Variants in SIPA1L1 observed in about 807,000 individuals in gnomAD.
SIPA1L1 encodes the protein signal induced proliferation associated 1 like 1, also known as signal-induced proliferation-associated 1-like protein 1.
Under a neutral mutation model 162.7 loss-of-function variants are expected in SIPA1L1, and 26 were observed. That is an observed-to-expected ratio of 0.16 (90% CI 0.12 to 0.22). The LOEUF (loss-of-function observed/expected upper bound fraction) is 0.22, where lower values mean the gene tolerates loss of function less well. Ranked by LOEUF, SIPA1L1 falls within the 10% of genes least tolerant of loss-of-function variation. The probability of loss-of-function intolerance (pLI) is 1.00; values close to 1 mark genes in which losing one functional copy is unlikely to be tolerated. For missense variants in SIPA1L1, 1,874 were observed against 2,241.0 expected (o/e 0.84, Z 3.31); for synonymous variants, 829 against 837.4 (o/e 0.99, Z 0.17).
chr14:71,489,342 A>C (rs894603133), intron 2 of SIPA1L1, among the ~76,000 whole-genome samples: 1 of 152,174 alleles, frequency 6.6e-6, no homozygotes, highest in Non-Finnish European at 1.5e-5. Flanking sequence ...TCTGTGTGCT[A>C]TATGTCTGCT....
At position 71,708,322 on chromosome 14, in the gene SIPA1L1, C is replaced by CT. The variant is rs1174900047; in HGVS notation, c.3766-885dup. 4.1e-3 allele frequency among the ~76,000 whole-genome samples: 566 copies of CT among 137,500 alleles called. 5 individuals are homozygous for CT. The highest frequency in any genetic ancestry group is 4.5e-3 in the African/African-American group (169 of 37,756). 90.2% of individuals were successfully genotyped at this position (137,500 alleles called of 152,430 possible). On this transcript the variant is annotated intron_variant, in intron 16 of 23. Coordinates refer to ENST00000381232, the MANE Select transcript of SIPA1L1 (RefSeq NM_001386936.1). ...AAGGATCCAACTTTATTCTTTCTTT[C>CT]TTTTTTTTTTTTTTTGAGACAGGGT...
At chr14:71,583,525 C>A (rs1032642913) in intron 4 of SIPA1L1, among the ~76,000 whole-genome samples, 3 of 152,088 alleles carry the variant, frequency 2.0e-5, no homozygotes, top group Admixed American at 6.6e-5. Flanking sequence ...AATTCTTTCA[C>A]AACAGGAACT....
intron 19 of SIPA1L1, among the ~76,000 whole-genome samples, chr14:71,729,697 A>G (rs2084580249): frequency 6.6e-6 from 1 of 152,204 alleles, no homozygotes; most frequent in Non-Finnish European, 1.5e-5. Context: ...ATGAGGAATT[A>G]GACTCAGAGA....
At chr14:71,661,200 A>T (rs1279186368) in intron 9 of SIPA1L1, 110 bp from the exon 10 acceptor site, 3 of 1,103,926 alleles carry the variant, frequency 2.7e-6, no homozygotes, top group Non-Finnish European at 2.6e-6. Context: ...ACCTACCTTC[A>T]TGTGTACTGA....
intron 2 of SIPA1L1, among the ~76,000 whole-genome samples, chr14:71,353,562 A>G (rs928469007): frequency 5.3e-5 from 8 of 152,116 alleles, no homozygotes; most frequent in Non-Finnish European, 1.0e-4. Context: ...GTTTTAACAG[A>G]GTCGCTAGGC....
At chr14:71,610,568 C>T (rs181330037) in intron 5 of SIPA1L1, among the ~76,000 whole-genome samples, 68 of 152,218 alleles carry the variant, frequency 4.5e-4, no homozygotes, top group African/African-American at 1.5e-3. Flanking sequence ...AACTATTGGC[C>T]ATTTGTCATA....
rs759229317 is a variant in SIPA1L1 at position 71,724,731 on chromosome 14, C to T, written c.4510C>T (p.Leu1504Phe). 7 of 1,614,028 alleles carry T rather than the reference C, an allele frequency of 4.3e-6. No individual in the cohort carries two copies. In the African/African-American group the frequency reaches 8.0e-5, roughly 18 times the overall value. Residue 1504 changes from leucine to phenylalanine, a missense_variant, in exon 19 of 24, where the codon CTC becomes TTC. By Grantham distance (22) the Leu-to-Phe change is conservative (BLOSUM62 0). This residue lies in a region of SIPA1L1 where 936 missense variants were observed against 1,051.9 expected (regional missense o/e 0.89). Transcript: ENST00000381232. ...CAGGCTGCGTGCCTCAACCAGAGAC[C>T]TCCGGGCATCTCCTAAGCCAACCTC... is the stretch of plus-strand genomic sequence containing the variant. ...HTRLRASTRD[L>F]RASPKPTSKS...
Position 71,377,853 on chromosome 14 carries a change from G to C in SIPA1L1, c.-465+56672G>C, listed in dbSNP as rs2039551416. Among the ~76,000 whole-genome samples the C allele has an allele frequency of 6.6e-6, 1 of 152,218 alleles. No individual in the cohort carries two copies. The highest frequency in any genetic ancestry group is 2.1e-4 in the South Asian group (1 of 4,836). Reference sequence around the variant, plus strand: ...CAGTCAGGCGTGGCGGCGCGTGCCTGCAATCCCAGGCACTCGGCAGGCTGA... The same window carrying C: ...CAGTCAGGCGTGGCGGCGCGTGCCTCCAATCCCAGGCACTCGGCAGGCTGA... On this transcript the variant is annotated intron_variant, in intron 2 of 23. Transcript: ENST00000381232. The surrounding 1 kb of genome is among the most constrained non-coding windows in gnomAD (Gnocchi z 4.8).
At chr14:71,472,213 G>C (rs1316659982) in intron 2 of SIPA1L1, among the ~76,000 whole-genome samples, 1 of 152,140 alleles carries the variant, frequency 6.6e-6, no homozygotes, top group Non-Finnish European at 1.5e-5. Flanking sequence ...TCAAGAGTCA[G>C]TTTTGTTTGT....
intron 2 of SIPA1L1, among the ~76,000 whole-genome samples, chr14:71,415,334 C>G (rs959447773): frequency 1.3e-5 from 2 of 152,194 alleles, no homozygotes; most frequent in East Asian, 1.9e-4. Flanking sequence ...TTTGACCGTT[C>G]CCAGCATCAT....
intron 2 of SIPA1L1, among the ~76,000 whole-genome samples, chr14:71,408,444 GT>G (rs1238447056): frequency 3.3e-5 from 5 of 152,112 alleles, no homozygotes. Context: ...CTGTCCCCCA[GT>G]TTCAGAATAA....
chr14:71,417,253 C>T (rs866075258), intron 2 of SIPA1L1, among the ~76,000 whole-genome samples: 14 of 151,410 alleles, frequency 9.2e-5, no homozygotes, highest in Middle Eastern at 3.4e-3. Context: ...GGGTGGATCA[C>T]GAGGTCAGGA....
rs575168185 is a variant in SIPA1L1 at position 71,558,988 on chromosome 14, C to T, written c.-302-28583C>T. On this transcript the variant is annotated intron_variant, in intron 4 of 23. Coordinates refer to ENST00000381232, the MANE Select transcript of SIPA1L1 (RefSeq NM_001386936.1). The stretch of plus-strand genomic sequence containing the variant: ...TGTAAGCCAGGGCACTTGGCCTTGC[C>T]GAAGCATTTTGATGCATGCAAACTA... Among the ~76,000 whole-genome samples, 71 of 152,038 alleles carry T rather than the reference C, an allele frequency of 4.7e-4. 2 individuals carry two copies. In the South Asian group the frequency reaches 0.013, roughly 28 times the overall value.
intron 2 of SIPA1L1, among the ~76,000 whole-genome samples, chr14:71,325,228 T>C (rs1424988933): frequency 1.3e-5 from 2 of 152,234 alleles, no homozygotes; most frequent in Non-Finnish European, 2.9e-5. Context: ...CCTCATTGAA[T>C]TTTTGCTTTT....
At chr14:71,361,622 G>A (rs112913371) in intron 2 of SIPA1L1, among the ~76,000 whole-genome samples, 3,441 of 152,170 alleles carry the variant, frequency 0.023, 49 homozygotes, top group Non-Finnish European at 0.033. Context: ...TTTCTACTAC[G>A]TGGGGTGAAC....
chr14:71,373,941 C>T (rs1292771518), intron 2 of SIPA1L1, among the ~76,000 whole-genome samples: 1 of 152,122 alleles, frequency 6.6e-6, no homozygotes, highest in African/African-American at 2.4e-5. Context: ...TCACCCTCTG[C>T]ACACTGGCTG....
intron 2 of SIPA1L1, among the ~76,000 whole-genome samples, chr14:71,395,492 C>T (rs901281329): frequency 6.6e-6 from 1 of 152,168 alleles, no homozygotes; most frequent in Non-Finnish European, 1.5e-5. Context: ...AAGACCCTGT[C>T]TCTACAAAAA....
At chr14:71,737,342 G>A (rs1415725517) in intron 22 of SIPA1L1, among the ~76,000 whole-genome samples, 4 of 152,124 alleles carry the variant, frequency 2.6e-5, no homozygotes, top group Non-Finnish European at 4.4e-5. Flanking sequence ...TCCCATTGGC[G>A]CTGGGAAGAG....
At chr14:71,321,078 G>A (rs912250530) in intron 1 of SIPA1L1, 44 bp from the exon 2 acceptor site, 1 of 151,964 alleles carries the variant, frequency 6.6e-6, no homozygotes, top group African/African-American at 2.4e-5. Flanking sequence ...GAGGCGGCGA[G>A]TGAGCGCGCG....
Sources: allele counts gnomAD v4.1 joint callset (sites outside exome capture counted in the v4.1 genomes callset), GRCh38; gene constraint gnomAD v4.1.1; regional missense constraint gnomAD v4.1.1; non-coding constraint Gnocchi (gnomAD v3.1); transcripts MANE v1.5; gene names NCBI Gene and HGNC (gene_info 2026-07-23, HGNC 2026-07-21).